RANBP2: variants seen among roughly 807,000 people sequenced by gnomAD.
RANBP2 encodes the protein RAN binding protein 2.
Under a neutral mutation model 303.6 loss-of-function variants are expected in RANBP2, and 57 were observed. The ratio of observed to expected loss-of-function variants is 0.19; its 90% CI spans 0.15 to 0.23. RANBP2 has a LOEUF of 0.23. RANBP2 is among the 10% of genes least tolerant of loss of function. The pLI is 1.00. For synonymous variants in RANBP2, 1,167 were observed against 1,301.5 expected (o/e 0.90, Z 2.23); for missense variants, 3,138 against 3,780.8 (o/e 0.83, Z 4.46).
chr2:109,608,208 G>A, the RANBP2 span, among the ~76,000 whole-genome samples: 3 of 152,126 alleles, frequency 2.0e-5, no homozygotes, highest in East Asian at 5.8e-4. Flanking sequence ...TAGTATATAT[G>A]CAGCTAAGGA....
chr2:109,251,884 G>A, the RANBP2 span, among the ~76,000 whole-genome samples: 2 of 152,072 alleles, frequency 1.3e-5, no homozygotes, highest in African/African-American at 4.8e-5. Context: ...GGGTTCCAGG[G>A]TTCTAGACTT....
chr2:109,455,890 C>A, the RANBP2 span, among the ~76,000 whole-genome samples: 1 of 152,342 alleles, frequency 6.6e-6, no homozygotes, highest in East Asian at 1.9e-4. Context: ...GGGGAGGGGC[C>A]TGCTGTCACC....
chr2:109,510,105 A>G, the RANBP2 span, among the ~76,000 whole-genome samples: 1 of 152,176 alleles, frequency 6.6e-6, no homozygotes. Flanking sequence ...GGTTGGCGGG[A>G]ACGGTGTGTG....
the RANBP2 span, among the ~76,000 whole-genome samples, chr2:109,552,345 T>C: frequency 6.6e-6 from 1 of 152,150 alleles, no homozygotes; most frequent in African/African-American, 2.4e-5. Context: ...CAGATATCCA[T>C]TTCAGGGCAA....
the RANBP2 span, among the ~76,000 whole-genome samples, chr2:109,119,917 C>A: frequency 6.6e-6 from 1 of 152,070 alleles, no homozygotes; most frequent in Non-Finnish European, 1.5e-5. Context: ...TTTTTATGGA[C>A]CAAAAGAAAT....
At chr2:109,371,795 C>A in the RANBP2 span, 2 of 863,088 alleles carry the variant, frequency 2.3e-6, no homozygotes, top group Admixed American at 2.1e-5. Context: ...GGATCCTCCA[C>A]AATAGCCTCT....
chr2:109,748,872 C>CAATAAAAAAATA, the RANBP2 span, among the ~76,000 whole-genome samples: 1 of 45,018 alleles, frequency 2.2e-5, no homozygotes, highest in Non-Finnish European at 6.2e-5. Context: ...GACTCCATCT[C>CAATAAAAAAATA]AATAAATAAA....
the RANBP2 span, among the ~76,000 whole-genome samples, chr2:109,670,698 G>A: frequency 1.3e-5 from 2 of 152,218 alleles, no homozygotes; most frequent in East Asian, 3.9e-4. Flanking sequence ...GCATGGCAGG[G>A]CCCCCACACC....
At chr2:109,720,019 C>G in the RANBP2 span, among the ~76,000 whole-genome samples, 3 of 152,150 alleles carry the variant, frequency 2.0e-5, no homozygotes, top group Non-Finnish European at 2.9e-5. Flanking sequence ...ATCGGCTGCA[C>G]CTGGCTAGAT....
chr2:109,364,868 ATTAC>A, the RANBP2 span, among the ~76,000 whole-genome samples: 1,126 of 152,270 alleles, frequency 7.4e-3, 15 homozygotes, highest in African/African-American at 0.026. Context: ...GTGCAGGCAG[ATTAC>A]TTGAGGTCAG....
chr2:108,782,394 T>C lies in RANBP2; in HGVS notation c.9027T>C (p.Asp3009=). ...ATGCTTTAGTTTGGACTGCCTCAGATTATGCTGGTGAGTTTTTACATTCAA... is the reference window on the plus strand; with the variant it reads ...ATGCTTTAGTTTGGACTGCCTCAGACTATGCTGGTGAGTTTTTACATTCAA... ...SNNALVWTAS[D]YADGEAKVEQ... The change falls in exon 27 of 29, where the codon GAT becomes GAC. Residue 3009 remains aspartate (D), a synonymous_variant. Transcript: ENST00000283195. The C allele has an allele frequency of 6.2e-7, 1 of 1,613,976 alleles. No homozygotes were observed. The highest frequency in any genetic ancestry group is 8.5e-7 in the Non-Finnish European group (1 of 1,180,016).
the RANBP2 span, among the ~76,000 whole-genome samples, chr2:109,694,855 G>T: frequency 6.7e-6 from 1 of 149,344 alleles, no homozygotes; most frequent in Non-Finnish European, 1.5e-5. Flanking sequence ...CCAGATTTGG[G>T]AAGTTTTTGG....
At chr2:108,866,095 C>G in the RANBP2 span, among the ~76,000 whole-genome samples, 1,361 of 152,204 alleles carry the variant, frequency 8.9e-3, 14 homozygotes, top group Non-Finnish European at 0.013. Context: ...TGGTTTCACA[C>G]CTACTGGGAT....
chr2:108,788,978 T>C (rs1334949053), downstream of RANBP2: 6 of 1,612,994 alleles, frequency 3.7e-6, no homozygotes, highest in Non-Finnish European at 5.1e-6. Context: ...TAAAGTACCC[T>C]GAAACTTTAC....
chr2:109,094,015 A>G, the RANBP2 span, among the ~76,000 whole-genome samples: 1 of 152,248 alleles, frequency 6.6e-6, no homozygotes, highest in East Asian at 1.9e-4. Context: ...TGTGGGTATC[A>G]GAAATTACTC....
the RANBP2 span, among the ~76,000 whole-genome samples, chr2:109,276,839 A>C: frequency 6.6e-6 from 1 of 152,198 alleles, no homozygotes; most frequent in Non-Finnish European, 1.5e-5. Flanking sequence ...TTATACAAAC[A>C]ATATAGTTAA....
the RANBP2 span, among the ~76,000 whole-genome samples, chr2:109,156,590 T>C: frequency 1.3e-5 from 2 of 151,910 alleles, no homozygotes; most frequent in Non-Finnish European, 2.9e-5. Context: ...AGATTACAGG[T>C]GTCCACCACT....
At chr2:109,467,083 T>C in the RANBP2 span, among the ~76,000 whole-genome samples, 4,624 of 152,268 alleles carry the variant, frequency 0.03, 89 homozygotes, top group Non-Finnish European at 0.045. Flanking sequence ...CTTGGGAAAA[T>C]GGTTCAGCAA....
chr2:109,009,280 T>C, the RANBP2 span, among the ~76,000 whole-genome samples: 39,136 of 151,388 alleles, frequency 0.26, 7,355 homozygotes, highest in East Asian at 0.84. Context: ...GCAGAGCTTG[T>C]AGTGAGCCGA....
Sources: gnomAD v4.1 joint callset for allele counts (sites outside exome capture counted in the v4.1 genomes callset) on GRCh38, gnomAD v4.1.1 for gene constraint, MANE v1.5 for transcripts, NCBI Gene and HGNC (gene_info 2026-07-23, HGNC 2026-07-21) for gene names.